The following SOS2 variants were observed in gnomAD, a reference collection of about 807,000 sequenced individuals.
SOS2 encodes SOS Ras/Rho guanine nucleotide exchange factor 2.
A neutral mutation model predicts 148.2 loss-of-function variants in SOS2; 65 were observed. That is an observed-to-expected ratio of 0.44 (90% CI 0.36 to 0.54). SOS2 has a LOEUF of 0.54. Ranked by LOEUF, SOS2 falls within the 20% of genes least tolerant of loss-of-function variation. The pLI, the probability that SOS2 is intolerant of heterozygous loss-of-function variation, is 0.00. For synonymous variants in SOS2, 539 were observed against 537.1 expected, an observed-to-expected ratio of 1.00 and a Z score of -0.05; for missense variants, 1,341 against 1,590.2, an observed-to-expected ratio of 0.84 and a Z score of 2.67.
At chr14:50,120,574 C>T (rs995172863) in intron 21 of SOS2, among the ~76,000 whole-genome samples, 190 bp from the exon 22 acceptor site, 1 of 152,092 alleles carries the variant, frequency 6.6e-6, no homozygotes, top group Non-Finnish European at 1.5e-5. Context: ...TAGCACCAAC[C>T]ATAGTGCCTG....
At chr14:50,128,401 A>G (rs1344919080) in intron 21 of SOS2, among the ~76,000 whole-genome samples, 1 of 125,608 alleles carries the variant, frequency 8.0e-6, no homozygotes, top group Non-Finnish European at 1.7e-5. Flanking sequence ...AAGGGCATGG[A>G]AAGGTGCTAA....
intron 13 of SOS2, among the ~76,000 whole-genome samples, chr14:50,151,943 C>G (rs891642792): frequency 6.6e-6 from 1 of 151,968 alleles, no homozygotes; most frequent in African/African-American, 2.4e-5. Context: ...AGACTGGTCT[C>G]AAACTTCTGG....
chr14:50,145,653 A>T, intron 14 of SOS2, 57 bp from the exon 15 acceptor site: 1 of 1,151,898 alleles, frequency 8.7e-7, no homozygotes, highest in Non-Finnish European at 1.2e-6. Flanking sequence ...TTACTTAAAG[A>T]TCTTCTAAAA....
In SOS2 at chr14:50,127,138, C is replaced by CTT. The variant is rs5808538; in HGVS notation, c.3379+2821_3379+2822dup. Among the ~76,000 whole-genome samples, 65 of 105,312 alleles carry CTT rather than the reference C, an allele frequency of 6.2e-4. 1 individual carries two copies. Among genetic ancestry groups the CTT allele is most frequent in the African/African-American group, 1.5e-3 (37 of 24,794 alleles). 69.1% of individuals were successfully genotyped at this position (105,312 alleles called of 152,430 possible). On this transcript the variant is annotated intron_variant, in intron 21 of 22. Coordinates refer to ENST00000216373, the MANE Select transcript of SOS2 (RefSeq NM_006939.4). ...CTTCCTTTGTAACTAAGAAGGTCTC[C>CTT]TTTTTTTTTTTTTTTTTTTTGAGAC...
At chr14:50,183,596 T>C (rs188684425) in intron 5 of SOS2, among the ~76,000 whole-genome samples, 161 of 152,284 alleles carry the variant, frequency 1.1e-3, no homozygotes, top group African/African-American at 3.4e-3. Context: ...CTAAGCTACT[T>C]TTTACATAAA....
chr14:50,218,870 G>T (rs935775118), intron 1 of SOS2, among the ~76,000 whole-genome samples: 2 of 151,862 alleles, frequency 1.3e-5, no homozygotes, highest in African/African-American at 4.8e-5. Flanking sequence ...ATCCCAGCAC[G>T]TTGGGAGGCC....
chr14:50,135,091 AAGAAAGAAAG>A (rs1308202959), intron 18 of SOS2, among the ~76,000 whole-genome samples: 53 of 90,110 alleles, frequency 5.9e-4, no homozygotes, highest in Admixed American at 2.8e-3. Context: ...AAAAAAAAAA[AAGAAAGAAAG>A]AAAGAAAGAA....
In SOS2 at chr14:50,204,356, A is replaced by T; in HGVS notation, c.141T>A (p.Tyr47Ter). Residue 47 changes from tyrosine (Y) to a stop codon, truncating the protein, a stop_gained, in exon 2 of 23, where the codon TAT becomes TAA. Coordinates refer to ENST00000216373, the MANE Select transcript of SOS2 (RefSeq NM_006939.4). LOFTEE classifies it high-confidence loss of function. ...GCAGCTGAAAAATCAGCTCTTCAAT[A>T]TAATAGAGAGACTCTTCATTAGCTG... ...TLSANEESLYYIEELIFQLLN... is the reference protein window; with the variant it reads ...TLSANEESLY 6.3e-7 allele frequency: 1 copy of T among 1,590,690 alleles called. No homozygotes were observed. Among genetic ancestry groups the T allele is most frequent in the Non-Finnish European group, 8.6e-7 (1 of 1,160,428 alleles).
In SOS2 at chr14:50,159,869, T is replaced by G; in HGVS notation, c.1414A>C (p.Asn472His). 6.2e-7 allele frequency: 1 copy of G among 1,614,090 alleles called. No individual in the cohort carries two copies. The highest frequency in any genetic ancestry group is 8.5e-7 in the Non-Finnish European group (1 of 1,179,944). The change falls in exon 10 of 23, where the codon AAT becomes CAT. Residue 472 changes from asparagine to histidine, a missense_variant. Coordinates refer to ENST00000216373, the MANE Select transcript of SOS2 (RefSeq NM_006939.4). ...CCTGGAAGCCGAGTCTGGCCATGAT[T>G]AGGTTTACAACTGATCATTAAGCCA... The part of the protein sequence containing the change: ...FDGLMISCKP[N>H]HGQTRLPGYS...
intron 5 of SOS2, among the ~76,000 whole-genome samples, chr14:50,183,387 CAAAA>C (rs927793599): frequency 1.5e-5 from 2 of 130,982 alleles, no homozygotes; most frequent in African/African-American, 5.6e-5. Context: ...CTTGCTTGTA[CAAAA>C]AAAAAAAGAA....
At chr14:50,193,943 C>T (rs1333290294) in intron 4 of SOS2, among the ~76,000 whole-genome samples, 1 of 152,134 alleles carries the variant, frequency 6.6e-6, no homozygotes, top group Non-Finnish European at 1.5e-5. Context: ...TGGGGTTTCA[C>T]CATGTTGCCC....
At chr14:50,189,303 A>AACAC (rs1375565344) in intron 4 of SOS2, among the ~76,000 whole-genome samples, 1 of 60,696 alleles carries the variant, frequency 1.6e-5, no homozygotes, top group Non-Finnish European at 3.7e-5. Flanking sequence ...TGTATACTGT[A>AACAC]ATACACACAC....
rs1441850707 is a variant in SOS2, at chr14:50,168,229, G to T, written c.1068+6225C>A. Reference sequence around the variant, plus strand: ...TCCTTAGTAAAAAAGGACAGACATAGATTATTTTCTGAGATAAGGTCTTGC... The same window carrying T: ...TCCTTAGTAAAAAAGGACAGACATATATTATTTTCTGAGATAAGGTCTTGC... On this transcript the variant is annotated intron_variant, in intron 8 of 22. Coordinates refer to ENST00000216373, the MANE Select transcript of SOS2 (RefSeq NM_006939.4). Among the ~76,000 whole-genome samples, 3 of 152,270 alleles carry T rather than the reference G, an allele frequency of 2.0e-5. No individual in the cohort carries two copies. The East Asian group carries it at 5.8e-4, about 29-fold the overall frequency.
At chr14:50,143,434 C>T (rs10483600) in intron 16 of SOS2, among the ~76,000 whole-genome samples, 29,132 of 151,784 alleles carry the variant, frequency 0.19, 2,960 homozygotes, top group East Asian at 0.44. Context: ...CATATTCAAC[C>T]TCACTAGTTA....
At position 50,145,317 on chromosome 14, in the gene SOS2, T is replaced by C. The variant is rs775682587; in HGVS notation, c.2520A>G (p.Ala840=). 239 of 1,601,986 alleles carry C rather than the reference T, an allele frequency of 1.5e-4. No individual in the cohort carries two copies. The Admixed American group carries it at 4.2e-3, about 28-fold the overall frequency. Residue 840 remains alanine, a synonymous_variant, in exon 16 of 23, where the codon GCA becomes GCG. Transcript: ENST00000216373. ...CTGCCACCCGTTCTTCAAAATTTTCTGCTTCCACAATGCATCTAACAACAA... is the reference window on the plus strand; with the variant it reads ...CTGCCACCCGTTCTTCAAAATTTTCCGCTTCCACAATGCATCTAACAACAA... ...TLWFEKCIVE[A]ENFEERVAVL...
At chr14:50,139,341 C>T (rs1482909021) in intron 17 of SOS2, among the ~76,000 whole-genome samples, 1 of 152,150 alleles carries the variant, frequency 6.6e-6, no homozygotes, top group African/African-American at 2.4e-5. Flanking sequence ...TGGTGGTTCT[C>T]AGCTGGGGAC....
intron 1 of SOS2, among the ~76,000 whole-genome samples, chr14:50,214,131 G>T (rs936230244): frequency 1.3e-5 from 2 of 151,872 alleles, no homozygotes; most frequent in African/African-American, 4.8e-5. Flanking sequence ...TTTGCAGAGC[G>T]AATTATCTTT....
At chr14:50,231,074 G>C in intron 1 of SOS2, 123 bp downstream of exon 1, 1 of 590,894 alleles carries the variant, frequency 1.7e-6, no homozygotes, top group Middle Eastern at 4.1e-4. Context: ...GCCCCCCATT[G>C]CCAGCCAACG....
intron 1 of SOS2, among the ~76,000 whole-genome samples, chr14:50,213,345 A>C (rs1886944828): frequency 6.6e-6 from 1 of 152,194 alleles, no homozygotes; most frequent in Admixed American, 6.5e-5. Flanking sequence ...CAAACAAGAA[A>C]ACAAGATAAT....
Sources: allele counts gnomAD v4.1 joint callset (sites outside exome capture counted in the v4.1 genomes callset), GRCh38; gene constraint gnomAD v4.1.1; transcripts MANE v1.5; gene names NCBI Gene and HGNC (gene_info 2026-07-23, HGNC 2026-07-21).